Variants in RORB observed in about 807,000 individuals in gnomAD.
RORB encodes RAR related orphan receptor B.
RORB carries 6 observed loss-of-function variants against 59.1 expected under a neutral mutation model. That is an observed-to-expected ratio of 0.10 (90% confidence interval 0.06 to 0.20). The LOEUF is 0.20. Ranked by LOEUF, RORB falls within the 10% of genes least tolerant of loss-of-function variation. The pLI is 1.00. For missense variants in RORB, 320 were observed against 560.5 expected (o/e 0.57, Z 4.33); for synonymous variants, 215 against 204.5 (o/e 1.05, Z -0.44).
intron 4 of RORB, among the ~76,000 whole-genome samples, chr9:74,659,962 C>G (rs943865840): frequency 3.5e-5 from 5 of 143,826 alleles, no homozygotes; most frequent in Non-Finnish European, 7.5e-5. Context: ...TATAATGGTC[C>G]CTATGACCCA....
chr9:74,660,787 G>C (rs370044395), intron 5 of RORB, 49 bp downstream of exon 5: 11 of 1,576,336 alleles, frequency 7.0e-6, no homozygotes. Context: ...CCCTATTGCT[G>C]TGTTGCTCAA....
In RORB at chr9:74,669,957, C is replaced by T. The variant is rs569491535; in HGVS notation, c.1112-1832C>T. Among the ~76,000 whole-genome samples the T allele has an allele frequency of 4.1e-4, 63 of 152,136 alleles. No individual in the cohort carries two copies. In the South Asian group the frequency reaches 0.01, roughly 25 times the overall value. On this transcript the variant is annotated intron_variant, in intron 8 of 9. Coordinates refer to ENST00000376896, the MANE Select transcript of RORB (RefSeq NM_006914.4). ...ATCTTATCAGGATATTTTTAATTTG[C>T]TACTGTTTTTTATTTAACCACTTTA...
At chr9:74,506,579 G>A (rs1176265324) in intron 1 of RORB, among the ~76,000 whole-genome samples, 1 of 152,088 alleles carries the variant, frequency 6.6e-6, no homozygotes, top group African/African-American at 2.4e-5. Context: ...ACTAATGTCT[G>A]ATCTACTCTG....
chr9:74,543,472 G>A (rs1027846986), intron 1 of RORB, among the ~76,000 whole-genome samples: 5 of 152,102 alleles, frequency 3.3e-5, no homozygotes, highest in African/African-American at 1.2e-4. Context: ...ACAAAGATTT[G>A]TTGAGCCCAT....
At chr9:74,633,503 G>T (rs937752366) in intron 2 of RORB, among the ~76,000 whole-genome samples, 1 of 152,188 alleles carries the variant, frequency 6.6e-6, no homozygotes, top group Non-Finnish European at 1.5e-5. Flanking sequence ...TGTAGACCAT[G>T]ATTTTGCTCA....
intron 1 of RORB, among the ~76,000 whole-genome samples, chr9:74,532,256 T>C (rs1403595522): frequency 1.3e-5 from 2 of 152,040 alleles, no homozygotes; most frequent in African/African-American, 2.4e-5. Flanking sequence ...TGTGTATATC[T>C]TTGAAGATCA....
At chr9:74,590,827 T>C (rs1302595494) in intron 1 of RORB, among the ~76,000 whole-genome samples, 2 of 152,248 alleles carry the variant, frequency 1.3e-5, no homozygotes, top group African/African-American at 4.8e-5. Context: ...AGTCTCGTTC[T>C]GTCACCTTGG....
chr9:74,661,634 T>TC (rs1778484597), intron 5 of RORB, among the ~76,000 whole-genome samples: 1 of 140,990 alleles, frequency 7.1e-6, no homozygotes, highest in Non-Finnish European at 1.5e-5. Flanking sequence ...AATTCTTTTT[T>TC]CCTTTTTTTT....
intron 1 of RORB, among the ~76,000 whole-genome samples, chr9:74,568,446 A>G (rs1353038223): frequency 6.6e-6 from 1 of 152,128 alleles, no homozygotes; most frequent in African/African-American, 2.4e-5. Context: ...TCACGCCTGT[A>G]ATCCCAGCAC....
chr9:74,529,275 G>T (rs1411290004), intron 1 of RORB, among the ~76,000 whole-genome samples: 4 of 151,698 alleles, frequency 2.6e-5, no homozygotes, highest in African/African-American at 9.7e-5. Context: ...AGGATAGTCT[G>T]TCATGGAAAC....
chr9:74,627,303 T>C (rs541723785), intron 1 of RORB, among the ~76,000 whole-genome samples: 1 of 152,326 alleles, frequency 6.6e-6, no homozygotes, highest in African/African-American at 2.4e-5. Context: ...ATTTATTATA[T>C]TGCAATAAGT....
At chr9:74,635,410 C>G (rs1475323760) in intron 3 of RORB, among the ~76,000 whole-genome samples, 1 of 152,198 alleles carries the variant, frequency 6.6e-6, no homozygotes, top group Non-Finnish European at 1.5e-5. Context: ...AATGGCTTGG[C>G]TTCCCAAGGG....
chr9:74,511,187 G>A (rs903766233), intron 1 of RORB, among the ~76,000 whole-genome samples: 15 of 151,956 alleles, frequency 9.9e-5, no homozygotes, highest in Admixed American at 3.3e-4. Context: ...TTCAATATAC[G>A]TCACTGGCAT....
Position 74,651,384 on chromosome 9 carries a change from A to T in RORB, c.637+8569A>T, listed in dbSNP as rs145679951. Among the ~76,000 whole-genome samples the T allele has an allele frequency of 3.0e-3, 449 of 152,126 alleles. 18 individuals are homozygous for T. In the East Asian group the frequency reaches 0.079, roughly 27 times the overall value. ...ACCCTGTCTCCACTAAAAATACAAA[A>T]ATTATCCAGGTGTGGTGACACGTGC... On this transcript the variant is annotated intron_variant, in intron 4 of 9. Transcript: ENST00000376896.
rs1371664906 is a variant in RORB at position 74,687,557 on chromosome 9, A to G, written c.*1939A>G. ...GGAAAAACAAAAAGGCTTTAAAATA[A>G]TGAATCTGTTTCTCAACTACTGTTA... On this transcript the variant is annotated 3_prime_UTR_variant, in exon 10 of 10. Coordinates refer to ENST00000376896, the MANE Select transcript of RORB (RefSeq NM_006914.4). 1 of 152,194 alleles carries G rather than the reference A, an allele frequency of 6.6e-6. No homozygotes were observed. The highest frequency in any genetic ancestry group is 1.5e-5 in the Non-Finnish European group (1 of 68,036). The allele number at this position is 152,194 out of a possible 1,614,324, so 9.4% of individuals were successfully genotyped here.
At chr9:74,541,594 G>C (rs1030206816) in intron 1 of RORB, among the ~76,000 whole-genome samples, 5 of 152,154 alleles carry the variant, frequency 3.3e-5, no homozygotes, top group African/African-American at 1.2e-4. Flanking sequence ...TTTTAGATAT[G>C]ATGTCGTTCT....
intron 1 of RORB, among the ~76,000 whole-genome samples, chr9:74,512,689 A>C (rs1376672769): frequency 6.6e-6 from 1 of 152,200 alleles, no homozygotes; most frequent in Non-Finnish European, 1.5e-5. Flanking sequence ...CATAATGCTG[A>C]GATTGAGAAA....
In RORB at chr9:74,686,272, G is replaced by A. The variant is rs1824641908; in HGVS notation, c.*654G>A. ...TCAGGATTTTGTTTTCCCAGCCAGA[G>A]TTTTCATCTATAGTCAATGGCAGGA... is the stretch of plus-strand genomic sequence containing the variant. On this transcript the variant is annotated 3_prime_UTR_variant, in exon 10 of 10. Coordinates refer to ENST00000376896, the MANE Select transcript of RORB (RefSeq NM_006914.4). 6.6e-6 allele frequency: 1 copy of A among 152,590 alleles called. No individual in the cohort carries two copies. The highest frequency in any genetic ancestry group is 1.5e-5 in the Non-Finnish European group (1 of 68,028). The allele number at this position is 152,590 out of a possible 1,614,324, so 9.5% of individuals were successfully genotyped here. A position where few individuals can be genotyped will look rare whatever the true frequency, so the allele number is the denominator to read the frequency against.
At position 74,516,280 on chromosome 9, in the gene RORB, T is replaced by C. The variant is rs570315347; in HGVS notation, c.7+18297T>C. ...CCCTCATTAAGTGGCTTAACATTGT[T>C]CTTGAATTTTTATTGTCACACACAA... is the stretch of plus-strand genomic sequence containing the variant. On this transcript the variant is annotated intron_variant, in intron 1 of 9. Transcript: ENST00000376896. 3.3e-5 allele frequency among the ~76,000 whole-genome samples: 5 copies of C among 152,194 alleles called. No individual in the cohort carries two copies. In the East Asian group the frequency reaches 9.7e-4, roughly 29 times the overall value.
Sources: allele counts gnomAD v4.1 joint callset (sites outside exome capture counted in the v4.1 genomes callset), GRCh38; gene constraint gnomAD v4.1.1; transcripts MANE v1.5; gene names NCBI Gene and HGNC (gene_info 2026-07-23, HGNC 2026-07-21).